NEK3: variants seen among roughly 807,000 people sequenced by gnomAD.
NEK3 encodes NIMA related kinase 3.
Under a neutral mutation model 66.0 loss-of-function variants are expected in NEK3, and 54 were observed. The observed-to-expected ratio is 0.82, with a 90% CI of 0.66 to 1.03. The LOEUF (loss-of-function observed/expected upper bound fraction) is 1.03, where lower values mean the gene tolerates loss of function less well. NEK3 is among the 50% of genes least tolerant of loss of function. The pLI is 0.00. For missense variants in NEK3, 593 were observed against 603.0 expected, an observed-to-expected ratio of 0.98 and a Z score of 0.17; for synonymous variants, 200 against 206.2, an observed-to-expected ratio of 0.97 and a Z score of 0.26.
At chr13:52,155,031 C>G (rs1422961016) in intron 2 of NEK3, among the ~76,000 whole-genome samples, 2 of 151,858 alleles carry the variant, frequency 1.3e-5, no homozygotes, top group Admixed American at 1.3e-4. Context: ...CCAGCAACAT[C>G]AGCACCAACT....
chr13:52,136,300 A>G (rs1956205746), intron 12 of NEK3, 41 bp from the exon 13 acceptor site: 1 of 1,605,192 alleles, frequency 6.2e-7, no homozygotes, highest in Admixed American at 1.7e-5. Flanking sequence ...AGCATGTGAA[A>G]TTATGTATCC....
chr13:52,155,950 TACCCGCCTCC>T (rs1356021215), intron 2 of NEK3, 115 bp downstream of exon 2: 9 of 539,410 alleles, frequency 1.7e-5, no homozygotes, highest in Non-Finnish European at 2.6e-5. Flanking sequence ...TCAGGTGATC[TACCCGCCTCC>T]ACCTCCCAAA....
intron 10 of NEK3, among the ~76,000 whole-genome samples, chr13:52,142,287 T>C (rs955754264): frequency 1.2e-4 from 19 of 152,022 alleles, no homozygotes; most frequent in South Asian, 6.2e-4. Context: ...CTCTTTTTTT[T>C]TTTTTTGGAG....
At chr13:52,155,781 A>G (rs1956390076) in intron 2 of NEK3, among the ~76,000 whole-genome samples, 1 of 152,122 alleles carries the variant, frequency 6.6e-6, no homozygotes, top group Non-Finnish European at 1.5e-5. Flanking sequence ...GGTTAGGGTG[A>G]TTCTCCTGCC....
intron 11 of NEK3, among the ~76,000 whole-genome samples, chr13:52,137,748 GCTTT>G (rs1268829708): frequency 1.3e-5 from 2 of 152,166 alleles, no homozygotes; most frequent in Non-Finnish European, 2.9e-5. Flanking sequence ...GAGGATCACT[GCTTT>G]CTGTGTCTGC....
chr13:52,156,102 A>C lies in NEK3; in HGVS notation c.90T>G (p.Phe30Leu), dbSNP rs1439664077. The change falls in exon 2 of 16, where the codon TTT (phenylalanine) becomes TTG (leucine). Residue 30 changes from phenylalanine (F) to leucine (L), a missense_variant. Phe to Leu is a conservative substitution (Grantham distance 22, BLOSUM62 0). Coordinates refer to ENST00000610828, the MANE Select transcript of NEK3 (RefSeq NM_002498.3). ...LVQHESSNQM[F>L]AMKEIRLPKS... is the part of the protein sequence containing the mutation. ...TGGGAAGCCTTATTTCTTTCATGGC[A>C]AACATCTGATTACTGCTTTCATGCT... is the stretch of plus-strand genomic sequence containing the variant. 6.2e-7 allele frequency: 1 copy of C among 1,605,944 alleles called. No homozygotes were observed. The highest frequency in any genetic ancestry group is 8.5e-7 in the Non-Finnish European group (1 of 1,175,940).
At chr13:52,149,794 G>C (rs138302929) in intron 7 of NEK3, among the ~76,000 whole-genome samples, 2 of 151,656 alleles carry the variant, frequency 1.3e-5, no homozygotes, top group South Asian at 2.1e-4. Context: ...ACTTGAACTC[G>C]TGAGGCAGAG....
chr13:52,153,766 GA>G (rs1956366806), intron 4 of NEK3, 128 bp downstream of exon 4: 2 of 660,676 alleles, frequency 3.0e-6, no homozygotes, highest in East Asian at 5.4e-5. Context: ...CACCAATTCA[GA>G]AATCAGTCAT....
chr13:52,144,734 C>A lies in NEK3; in HGVS notation c.761G>T (p.Arg254Leu). Residue 254 changes from arginine to leucine, a missense_variant, in exon 9 of 16, where the codon CGA becomes CTA. By Grantham distance (102) the Arg-to-Leu change is moderately radical. Transcript: ENST00000610828. ...CTGGACAAGCCGAGCTACGATGCCT[C>A]GAGAGAGAAGCGTTGTAGCCGAGGG... is the stretch of plus-strand genomic sequence containing the variant. ...HRPSATTLLSRGIVARLVQKC... is the reference protein window; with the variant it reads ...HRPSATTLLSLGIVARLVQKC... The A allele has an allele frequency of 6.2e-7, 1 of 1,613,794 alleles. No homozygotes were observed. Among genetic ancestry groups the A allele is most frequent in the Non-Finnish European group, 8.5e-7 (1 of 1,179,870 alleles).
At chr13:52,143,327 AAC>A (rs1555320685) in intron 10 of NEK3, among the ~76,000 whole-genome samples, 3 of 151,730 alleles carry the variant, frequency 2.0e-5, no homozygotes, top group East Asian at 1.9e-4. Flanking sequence ...AAAAAAAAAA[AAC>A]AAGCAGTTTT....
intron 11 of NEK3, among the ~76,000 whole-genome samples, chr13:52,138,351 G>T (rs1305912850): frequency 6.6e-6 from 1 of 152,054 alleles, no homozygotes; most frequent in South Asian, 2.1e-4. Flanking sequence ...CTGTGGCAGG[G>T]GTTATATGGA....
chr13:52,142,946 G>T (rs1374232484), intron 10 of NEK3, among the ~76,000 whole-genome samples: 1 of 152,204 alleles, frequency 6.6e-6, no homozygotes, highest in Non-Finnish European at 1.5e-5. Flanking sequence ...ATTTTCTCAG[G>T]ATAGGCTATA....
Position 52,132,934 on chromosome 13 carries a change from C to A in NEK3, c.*208G>T. The A allele has an allele frequency of 1.8e-6, 1 of 546,418 alleles. No homozygotes were observed. The highest frequency in any genetic ancestry group is 3.3e-6 in the Non-Finnish European group (1 of 305,176). The allele number at this position is 546,418 out of a possible 1,614,324, so 33.8% of individuals were successfully genotyped here. On this transcript the variant is annotated 3_prime_UTR_variant, in exon 16 of 16. Transcript: ENST00000610828. ...CGATGCTCACACTCATTCCACTATA[C>A]CTTCTCCCTTGAGTTCAAAAACTTA...
At chr13:52,151,498 C>G in intron 5 of NEK3, 106 bp from the exon 6 acceptor site, 1 of 984,488 alleles carries the variant, frequency 1.0e-6, no homozygotes, top group Non-Finnish European at 1.5e-6. Context: ...GCTAGAAATG[C>G]TGACAGCTGA....
chr13:52,151,052 T>A (rs1214634878), intron 7 of NEK3, 94 bp downstream of exon 7: 10 of 897,154 alleles, frequency 1.1e-5, no homozygotes, highest in Non-Finnish European at 1.6e-5. Context: ...GATCCATGCA[T>A]CTGTTTTGAA....
intron 1 of NEK3, among the ~76,000 whole-genome samples, chr13:52,158,393 G>A (rs1349812413): frequency 3.3e-5 from 5 of 152,148 alleles, no homozygotes; most frequent in Admixed American, 3.3e-4. Context: ...GTTTTTCCAA[G>A]ATCGATGAGG....
chr13:52,155,114 A>G (rs573617898), intron 2 of NEK3, among the ~76,000 whole-genome samples: 1 of 152,212 alleles, frequency 6.6e-6, no homozygotes. Context: ...GGTGGAGCAC[A>G]GCAGTCCATG....
chr13:52,136,291 G>A (rs765491045), intron 12 of NEK3, 32 bp from the exon 13 acceptor site: 5 of 1,610,480 alleles, frequency 3.1e-6, no homozygotes, highest in South Asian at 2.2e-5. Flanking sequence ...GGAATGCCAA[G>A]CATGTGAAAT....
At position 52,144,753 on chromosome 13, in the gene NEK3, C is replaced by A. The variant is rs767385723; in HGVS notation, c.742G>T (p.Ala248Ser). The A allele has an allele frequency of 1.2e-6, 2 of 1,613,672 alleles. No individual in the cohort carries two copies. The highest frequency in any genetic ancestry group is 1.3e-5 in the African/African-American group (1 of 74,854). ...FKRNPSHRPS[A>S]TTLLSRGIVA... Reference sequence around the variant, plus strand: ...ATGCCTCGAGAGAGAAGCGTTGTAGCCGAGGGGCGATGTGAGGGATTCCTT... The same window carrying A: ...ATGCCTCGAGAGAGAAGCGTTGTAGACGAGGGGCGATGTGAGGGATTCCTT... Residue 248 changes from alanine (A) to serine (S), a missense_variant, in exon 9 of 16, where the codon GCT (alanine) becomes TCT (serine). Ala to Ser is a moderately conservative substitution (Grantham distance 99). Transcript: ENST00000610828.
Sources: allele counts gnomAD v4.1 joint callset (sites outside exome capture counted in the v4.1 genomes callset), GRCh38; gene constraint gnomAD v4.1.1; transcripts MANE v1.5; gene names NCBI Gene and HGNC (gene_info 2026-07-23, HGNC 2026-07-21).